The following UTS2B variants were observed in gnomAD, a reference collection of about 807,000 sequenced individuals.
UTS2B encodes urotensin-2B.
A neutral mutation model predicts 19.2 loss-of-function variants in UTS2B; 21 were observed. That is an observed-to-expected ratio of 1.09 (90% CI 0.78 to 1.58). UTS2B has a LOEUF of 1.58. Ranked by LOEUF, UTS2B falls within the 40% of genes most tolerant of loss-of-function variation. The probability of loss-of-function intolerance (pLI) is 0.00; values close to 1 mark genes in which losing one functional copy is unlikely to be tolerated. For synonymous variants in UTS2B, 57 were observed against 50.2 expected (o/e 1.14, Z -0.58); for missense variants, 138 against 130.3 (o/e 1.06, Z -0.29).
At chr3:191,339,468 G>A in the UTS2B span, among the ~76,000 whole-genome samples, 2 of 152,146 alleles carry the variant, frequency 1.3e-5, no homozygotes, top group African/African-American at 4.8e-5. Flanking sequence ...CCTGTTCCTA[G>A]ATACAGGCTG....
chr3:191,284,860 G>A (rs890264442), intron 4 of UTS2B, among the ~76,000 whole-genome samples: 3 of 151,996 alleles, frequency 2.0e-5, no homozygotes, highest in Admixed American at 6.6e-5. Flanking sequence ...CCAAAATGAA[G>A]GAGATGTAAA....
chr3:191,281,094 G>T (rs1207082193), intron 5 of UTS2B, among the ~76,000 whole-genome samples: 1 of 152,126 alleles, frequency 6.6e-6, no homozygotes, highest in African/African-American at 2.4e-5. Flanking sequence ...ACAAGGTCTG[G>T]TAAAATGGAA....
In UTS2B at chr3:191,313,846, T is replaced by TA. The variant is rs201830097; in HGVS notation, c.-182+2189_-182+2190insT. Among the ~76,000 whole-genome samples, 1,387 of 148,898 alleles carry TA rather than the reference T, an allele frequency of 9.3e-3. 50 individuals carry two copies. Among genetic ancestry groups the TA allele is most frequent in the East Asian group, 0.081 (388 of 4,776 alleles). ...CCCAGGTTCAAGTGATTCTCCTTCC[T>TA]CCACCTCCTGAGTAGCTGAGCTCAC... On this transcript the variant is annotated intron_variant, in intron 3 of 8. Transcript: ENST00000340524.
At position 191,297,013 on chromosome 3, in the gene UTS2B, C is replaced by T. The variant is rs74513590; in HGVS notation, c.-125+7479G>A. 9.9e-5 allele frequency among the ~76,000 whole-genome samples: 15 copies of T among 152,244 alleles called. No homozygotes were observed. The East Asian group carries it at 2.1e-3, about 22-fold the overall frequency. Reference sequence around the variant, plus strand: ...CAATAAACTGTAATGATGCTTATTGCGCTTGGGAAACAATGTCAACATCTG... The same window carrying T: ...CAATAAACTGTAATGATGCTTATTGTGCTTGGGAAACAATGTCAACATCTG... On this transcript the variant is annotated intron_variant, in intron 4 of 8. Transcript: ENST00000340524.
chr3:191,331,471 A>T (rs1717982128), upstream of UTS2B, among the ~76,000 whole-genome samples: 1 of 152,230 alleles, frequency 6.6e-6, no homozygotes, highest in South Asian at 2.1e-4. Flanking sequence ...TAATACATTT[A>T]AATTAGCTTT....
At chr3:191,277,934 T>A (rs1716279625) in intron 6 of UTS2B, 138 bp downstream of exon 6, 1 of 484,424 alleles carries the variant, frequency 2.1e-6, no homozygotes, top group South Asian at 4.3e-5. Flanking sequence ...AACAAAAAAA[T>A]CACTTAAATC....
intron 6 of UTS2B, among the ~76,000 whole-genome samples, chr3:191,277,184 G>C (rs1051163743): frequency 6.6e-6 from 1 of 152,038 alleles, no homozygotes. Context: ...GGTTGTGGGC[G>C]GGGGGAAGCA....
intron 3 of UTS2B, among the ~76,000 whole-genome samples, chr3:191,311,275 TG>T (rs1165984035): frequency 6.6e-6 from 1 of 152,266 alleles, no homozygotes; most frequent in African/African-American, 2.4e-5. Flanking sequence ...TACAGGTTTC[TG>T]TGGGAAAATT....
intron 4 of UTS2B, among the ~76,000 whole-genome samples, chr3:191,288,222 G>A (rs574183243): frequency 5.3e-5 from 8 of 152,188 alleles, no homozygotes; most frequent in East Asian, 1.9e-4. Context: ...TAGCTTCACC[G>A]CAATCTCTTT....
chr3:191,336,105 A>G, the UTS2B span, among the ~76,000 whole-genome samples: 4 of 151,742 alleles, frequency 2.6e-5, no homozygotes, highest in Non-Finnish European at 5.9e-5. Context: ...GTGACAGTAA[A>G]GTCACTCTAA....
chr3:191,304,845 C>T (rs9836519), intron 3 of UTS2B, among the ~76,000 whole-genome samples: 41,361 of 151,934 alleles, frequency 0.27, 6,419 homozygotes, highest in African/African-American at 0.41. Flanking sequence ...CTCCAACAGG[C>T]CCCAGTGTGT....
intron 4 of UTS2B, among the ~76,000 whole-genome samples, chr3:191,285,625 G>C (rs150744334): frequency 1.3e-5 from 2 of 152,222 alleles, no homozygotes; most frequent in African/African-American, 4.8e-5. Flanking sequence ...AAGTGCGCCC[G>C]GCTCGGTGGC....
chr3:191,287,219 A>G (rs1716568351), intron 4 of UTS2B, among the ~76,000 whole-genome samples: 2 of 152,176 alleles, frequency 1.3e-5, no homozygotes. Flanking sequence ...CACTCTTCCA[A>G]AAAATTTAAG....
chr3:191,344,829 T>A, the UTS2B span, among the ~76,000 whole-genome samples: 8 of 152,298 alleles, frequency 5.3e-5, no homozygotes, highest in African/African-American at 1.7e-4. Context: ...TCTGCCCACC[T>A]CGGCATCCCA....
upstream of UTS2B, among the ~76,000 whole-genome samples, chr3:191,331,826 G>T (rs1184455559): frequency 1.3e-5 from 2 of 152,160 alleles, no homozygotes; most frequent in Non-Finnish European, 2.9e-5. Context: ...TGAAGCTTGT[G>T]CCCCTGATAG....
chr3:191,341,811 T>A, the UTS2B span, among the ~76,000 whole-genome samples: 15 of 152,370 alleles, frequency 9.8e-5, 1 homozygote, highest in African/African-American at 3.4e-4. Context: ...TAACTCCCTG[T>A]TACTTGTGTG....
upstream of UTS2B, among the ~76,000 whole-genome samples, chr3:191,331,674 A>G (rs891723804): frequency 2.6e-5 from 4 of 152,210 alleles, no homozygotes. Flanking sequence ...GTGATGTATT[A>G]TACTAGGAAT....
intron 4 of UTS2B, among the ~76,000 whole-genome samples, chr3:191,287,327 T>C (rs1375191784): frequency 6.6e-6 from 1 of 152,056 alleles, no homozygotes; most frequent in Admixed American, 6.6e-5. Context: ...CCAATATCCC[T>C]AACAAACATT....
At chr3:191,280,242 T>G (rs556145829) in intron 5 of UTS2B, among the ~76,000 whole-genome samples, 7 of 152,272 alleles carry the variant, frequency 4.6e-5, no homozygotes, top group Admixed American at 1.3e-4. Flanking sequence ...TCCCATAATC[T>G]TCTTGGTCAT....
Sources: allele counts gnomAD v4.1 joint callset (sites outside exome capture counted in the v4.1 genomes callset), GRCh38; gene constraint gnomAD v4.1.1; transcripts MANE v1.5; gene names NCBI Gene and HGNC (gene_info 2026-07-23, HGNC 2026-07-21).